Variants in PHF10 observed in about 807,000 individuals in gnomAD.
PHF10 encodes BRG1-associated factor 45a.
In PHF10, 51 loss-of-function variants were observed where a neutral mutation model predicts 68.5. That is an observed-to-expected ratio of 0.74 (90% CI 0.59 to 0.94). The LOEUF (loss-of-function observed/expected upper bound fraction) is 0.94. Among genes scored for constraint, PHF10 ranks in the 40% least tolerant of loss-of-function variants. The pLI is 0.00. For synonymous variants in PHF10, 204 were observed against 203.5 expected (o/e 1.00, Z -0.02); for missense variants, 460 against 602.6 (o/e 0.76, Z 2.48).
Position 169,723,913 on chromosome 6 carries a change from G to T in PHF10, c.19C>A (p.Pro7Thr). Residue 7 changes from proline (P) to threonine (T), a missense_variant, in exon 1 of 12, where the codon CCC (proline) becomes ACC (threonine). Around this residue, in one of 3 missense-constraint regions of PHF10, gnomAD observed 93 missense variants for 82.4 expected, o/e 1.13. Transcript: ENST00000339209. ...GGCCGCGGGGACAGCGCAGCCCCGG[G>T]CCCGGCCGCCGCCGCCATCAGCCCG... is the stretch of plus-strand genomic sequence containing the variant. The part of the protein sequence containing the change: MAAAAG[P>T]GAALSPRPCD... The T allele has an allele frequency of 1.9e-6, 2 of 1,044,616 alleles. No homozygotes were observed. The highest frequency in any genetic ancestry group is 2.3e-6 in the Non-Finnish European group (2 of 864,826). The allele number at this position is 1,044,616 out of a possible 1,614,324, so 64.7% of individuals were successfully genotyped here. A position where few individuals can be genotyped will look rare whatever the true frequency, so the allele number is the denominator to read the frequency against.
chr6:169,720,879 G>C, intron 2 of PHF10, 126 bp downstream of exon 2: 1 of 595,692 alleles, frequency 1.7e-6, no homozygotes, highest in Non-Finnish European at 3.0e-6. Flanking sequence ...GCACATTATA[G>C]AACAGGAAGA....
At chr6:169,718,959 C>G (rs1462545140) in intron 2 of PHF10, 41 bp from the exon 3 acceptor site, 1 of 1,321,502 alleles carries the variant, frequency 7.6e-7, no homozygotes, top group Non-Finnish European at 1.1e-6. Flanking sequence ...ATGTAGCTTT[C>G]ATTAATTTTT....
chr6:169,723,706 AC>A (rs1364766646), intron 1 of PHF10, 138 bp downstream of exon 1: 3 of 245,072 alleles, frequency 1.2e-5, no homozygotes, highest in Non-Finnish European at 2.1e-5. Flanking sequence ...CTCGCCGACC[AC>A]CCCCGGTCTC....
intron 9 of PHF10, 67 bp downstream of exon 9, chr6:169,710,169 C>A: frequency 1.6e-6 from 2 of 1,221,600 alleles, no homozygotes; most frequent in South Asian, 1.6e-5. Flanking sequence ...TCGTGAAAGT[C>A]AAGTTAAAAT....
intron 4 of PHF10, among the ~76,000 whole-genome samples, chr6:169,717,242 C>G (rs1232599957): frequency 6.6e-6 from 1 of 151,916 alleles, no homozygotes; most frequent in Non-Finnish European, 1.5e-5. Flanking sequence ...GAGAGAGACT[C>G]TGTGTTAAAA....
Position 169,705,625 on chromosome 6 carries a change from C to G in PHF10, c.1213G>C (p.Glu405Gln). The change falls in exon 10 of 12, where the codon GAG (glutamate) becomes CAG (glutamine). Residue 405 changes from glutamate (E) to glutamine (Q), a missense_variant. Glu to Gln is a conservative substitution (Grantham distance 29). Around this residue, in one of 3 missense-constraint regions of PHF10, gnomAD observed 256 missense variants for 410.5 expected, o/e 0.62. Transcript: ENST00000339209. ...ACATTTCAATACTTACCACTATTCT[C>G]ACATTGGGAGCAGTGTATAAGTGAT... is the stretch of plus-strand genomic sequence containing the variant. ...AESLIHCSQCENSGHPSCLDM... is the reference protein window; with the variant it reads ...AESLIHCSQCQNSGHPSCLDM... 1 of 1,449,932 alleles carries G rather than the reference C, an allele frequency of 6.9e-7. No individual in the cohort carries two copies. The highest frequency in any genetic ancestry group is 9.7e-7 in the Non-Finnish European group (1 of 1,030,692). 89.8% of individuals were successfully genotyped at this position (1,449,932 alleles called of 1,614,324 possible). A position where few individuals can be genotyped will look rare whatever the true frequency, so the allele number is the denominator to read the frequency against.
chr6:169,721,860 G>C (rs565879920), intron 1 of PHF10, among the ~76,000 whole-genome samples: 7 of 152,200 alleles, frequency 4.6e-5, no homozygotes, highest in African/African-American at 1.7e-4. Context: ...AGCTTTCAAC[G>C]CTAATCCAAT....
At chr6:169,713,052 T>C (rs1562986624) in intron 7 of PHF10, among the ~76,000 whole-genome samples, 1 of 152,214 alleles carries the variant, frequency 6.6e-6, no homozygotes, top group African/African-American at 2.4e-5. Context: ...TAACCAATTA[T>C]TGTAAACAAA....
chr6:169,717,114 T>C (rs1488673298), intron 4 of PHF10, among the ~76,000 whole-genome samples: 1 of 152,088 alleles, frequency 6.6e-6, no homozygotes, highest in Non-Finnish European at 1.5e-5. Context: ...TAGATGGCTG[T>C]GATGACATGC....
chr6:169,718,452 A>T (rs1562988363), intron 3 of PHF10, among the ~76,000 whole-genome samples: 1 of 152,176 alleles, frequency 6.6e-6, no homozygotes, highest in East Asian at 1.9e-4. Context: ...GCTTGAAGCC[A>T]TGAGTTTGAG....
At chr6:169,720,208 G>A (rs1163377145) in intron 2 of PHF10, among the ~76,000 whole-genome samples, 2 of 152,130 alleles carry the variant, frequency 1.3e-5, no homozygotes, top group East Asian at 3.8e-4. Flanking sequence ...GTGAATTGCT[G>A]GTAGGAATGT....
At chr6:169,722,858 CA>C (rs1328085081) in intron 1 of PHF10, among the ~76,000 whole-genome samples, 1 of 152,204 alleles carries the variant, frequency 6.6e-6, no homozygotes, top group Non-Finnish European at 1.5e-5. Context: ...AGAATGCACT[CA>C]GGGGGCACTG....
chr6:169,710,375 T>C lies in PHF10; in HGVS notation c.974A>G (p.Asn325Ser), dbSNP rs757304668. 17 of 1,612,122 alleles carry C rather than the reference T, an allele frequency of 1.1e-5. No homozygotes were observed. The highest frequency in any genetic ancestry group is 5.3e-5 in the African/African-American group (4 of 74,854). The change falls in exon 9 of 12, where the codon AAT (asparagine) becomes AGT (serine). Residue 325 changes from asparagine (N) to serine (S), a missense_variant. Asn to Ser is a conservative substitution (Grantham distance 46). This residue lies in a region of PHF10 where 256 missense variants were observed against 410.5 expected (regional missense o/e 0.62). Coordinates refer to ENST00000339209, the MANE Select transcript of PHF10 (RefSeq NM_018288.4). ...AGGAGGGCTTTCCCCTTCAGATACA[T>C]TGCCAGAGGAGCTGTCCTGGAGTTT... ...NKGTSDSSSG[N>S]VSEGESPPDS...
Position 169,716,129 on chromosome 6 carries a change from TAAGG to T in PHF10, c.410-45_410-42del, listed in dbSNP as rs373688716. On this transcript the variant is annotated intron_variant, in intron 4 of 11. Transcript: ENST00000339209. ...AAATAAAAAAATAAAGAAGCTCTTT[TAAGG>T]ATAAGTGAACAAAAGCACTCTTCAA... 585 of 1,409,888 alleles carry T rather than the reference TAAGG, an allele frequency of 4.1e-4. No individual in the cohort carries two copies. The African/African-American group carries it at 6.4e-3, about 15-fold the overall frequency. 87.3% of individuals were successfully genotyped at this position (1,409,888 alleles called of 1,614,324 possible).
In PHF10 at chr6:169,724,069, C is replaced by T. The variant is rs2128332194; in HGVS notation, c.-138G>A. On this transcript the variant is annotated 5_prime_UTR_variant, in exon 1 of 12. Transcript: ENST00000339209. ...GGCCCCGCCCCCTCCGCCCGCCCGC[C>T]CGGGGGCCGGCCCCTGCCGCCGCGC... The T allele has an allele frequency of 6.9e-6, 1 of 144,522 alleles. No individual in the cohort carries two copies. Among genetic ancestry groups the T allele is most frequent in the South Asian group, 2.1e-4 (1 of 4,690 alleles). 9.0% of individuals were successfully genotyped at this position (144,522 alleles called of 1,614,324 possible). A position where few individuals can be genotyped will look rare whatever the true frequency, so the allele number is the denominator to read the frequency against.
At chr6:169,711,899 C>T (rs1788932978) in intron 8 of PHF10, among the ~76,000 whole-genome samples, 1 of 152,136 alleles carries the variant, frequency 6.6e-6, no homozygotes, top group Non-Finnish European at 1.5e-5. Context: ...GCACAGAATA[C>T]ACCAACTGCC....
chr6:169,716,904 A>G (rs1419320684), intron 4 of PHF10, among the ~76,000 whole-genome samples: 2 of 152,200 alleles, frequency 1.3e-5, no homozygotes, highest in Non-Finnish European at 2.9e-5. Flanking sequence ...ACTTAAAAAA[A>G]TATATTGTAC....
chr6:169,723,323 G>C (rs1363515054), intron 1 of PHF10, among the ~76,000 whole-genome samples: 1 of 152,162 alleles, frequency 6.6e-6, no homozygotes, highest in Non-Finnish European at 1.5e-5. Context: ...TCCTCAAGCA[G>C]TAAAAAGTTT....
At chr6:169,707,883 G>A (rs999465610) in intron 9 of PHF10, 2 of 152,188 alleles carry the variant, frequency 1.3e-5, no homozygotes, top group African/African-American at 4.8e-5. Flanking sequence ...TACGATGAAT[G>A]CTGCAGCTCG....
Sources: allele counts gnomAD v4.1 joint callset (sites outside exome capture counted in the v4.1 genomes callset), GRCh38; gene constraint gnomAD v4.1.1; regional missense constraint gnomAD v4.1.1; transcripts MANE v1.5; gene names NCBI Gene and HGNC (gene_info 2026-07-23, HGNC 2026-07-21).